The following PRKAG1 variants were observed in gnomAD, a reference collection of about 807,000 sequenced individuals.
PRKAG1 encodes the protein 5'-AMP-activated protein kinase subunit gamma-1.
A neutral mutation model predicts 48.2 loss-of-function variants in PRKAG1; 27 were observed. That is an observed-to-expected ratio of 0.56 (90% CI 0.41 to 0.77). The LOEUF (loss-of-function observed/expected upper bound fraction) is 0.77, where lower values mean the gene tolerates loss of function less well. Among genes scored for constraint, PRKAG1 ranks in the 30% least tolerant of loss-of-function variants. The pLI, the probability that PRKAG1 is intolerant of heterozygous loss-of-function variation, is 0.00. For missense variants in PRKAG1, 287 were observed against 398.3 expected, an observed-to-expected ratio of 0.72 and a Z score of 2.38; for synonymous variants, 130 against 147.7, an observed-to-expected ratio of 0.88 and a Z score of 0.87.
At chr12:49,015,309 A>G (rs1241537909) in intron 1 of PRKAG1, among the ~76,000 whole-genome samples, 1 of 152,256 alleles carries the variant, frequency 6.6e-6, no homozygotes, top group East Asian at 1.9e-4. Flanking sequence ...GTACTGTGCT[A>G]CAGTTATTTT....
At chr12:49,004,666 G>C (rs368751183) in intron 7 of PRKAG1, 33 bp from the exon 8 acceptor site, 1 of 1,613,676 alleles carries the variant, frequency 6.2e-7, no homozygotes, top group African/African-American at 1.3e-5. Flanking sequence ...AAGTTCCACA[G>C]TGCTGGGGCT....
chr12:49,005,403 T>C lies in PRKAG1; in HGVS notation c.251-39A>G, dbSNP rs760568849. On this transcript the variant is annotated intron_variant, in intron 4 of 11. Transcript: ENST00000548065. This position sits in a 1 kb window ranked among gnomAD's most constrained non-coding sequence, Gnocchi z 4.1. ...CAGAGCCCTCAGCACTGCCTGAAGC[T>C]TGTCTCCCTGCCCAGCACAAGATGC... 1 of 1,614,118 alleles carries C rather than the reference T, an allele frequency of 6.2e-7. No homozygotes were observed.
Position 49,007,124 on chromosome 12 carries a change from A to C in PRKAG1, c.59-1272T>G, listed in dbSNP as rs533942356. On this transcript the variant is annotated intron_variant, in intron 2 of 11. Transcript: ENST00000548065. Reference sequence around the variant, plus strand: ...ACATGGCGAAACCCCGTCTCTACTAAAAAAATATAAAAATTAGCCAGGCGT... The same window carrying C: ...ACATGGCGAAACCCCGTCTCTACTACAAAAATATAAAAATTAGCCAGGCGT... Among the ~76,000 whole-genome samples, 4 of 151,386 alleles carry C rather than the reference A, an allele frequency of 2.6e-5. No individual in the cohort carries two copies. The South Asian group carries it at 8.4e-4, about 32-fold the overall frequency.
chr12:49,004,017 C>T (rs1592270797), intron 8 of PRKAG1, 95 bp from the exon 9 acceptor site: 9 of 1,475,978 alleles, frequency 6.1e-6, no homozygotes, highest in East Asian at 4.7e-5. Context: ...GGGCTGGGTG[C>T]GCCGGCTTAT....
intron 8 of PRKAG1, 47 bp downstream of exon 8, chr12:49,004,460 C>T (rs771907721): frequency 6.3e-7 from 1 of 1,595,260 alleles, no homozygotes; most frequent in South Asian, 1.1e-5. Flanking sequence ...ATCAATCAAT[C>T]AATCAATGAA....
rs148334196 is a variant in PRKAG1, at chr12:49,008,888, T to A, written c.59-3036A>T. 7.9e-5 allele frequency among the ~76,000 whole-genome samples: 12 copies of A among 152,302 alleles called. No individual in the cohort carries two copies. The East Asian group carries it at 1.7e-3, about 22-fold the overall frequency. ...GTGTTCTGAAATCTCAGGATGACTG[T>A]GCTTTGGGTGGGTCACTTTCATCCA... On this transcript the variant is annotated intron_variant, in intron 2 of 11. Transcript: ENST00000548065.
Position 49,003,779 on chromosome 12 carries a change from G to A in PRKAG1, c.681C>T (p.Ala227=), listed in dbSNP as rs191723435. ...LGIFVQHRVS[A]LPVVDEKGRV... Reference sequence around the variant, plus strand: ...CACCCTTCTCATCCACCACTGGCAGGGCTGAGACTCGATGCTGTACAAAAA... The same window carrying A: ...CACCCTTCTCATCCACCACTGGCAGAGCTGAGACTCGATGCTGTACAAAAA... The change falls in exon 9 of 12, where the codon GCC becomes GCT. Residue 227 remains alanine (A), a synonymous_variant. Transcript: ENST00000548065. 11 of 1,613,342 alleles carry A rather than the reference G, an allele frequency of 6.8e-6. No individual in the cohort carries two copies. The African/African-American group carries it at 9.3e-5, about 14-fold the overall frequency.
chr12:49,015,840 T>G (rs1941947393), intron 1 of PRKAG1, among the ~76,000 whole-genome samples: 1 of 152,078 alleles, frequency 6.6e-6, no homozygotes, highest in Admixed American at 6.5e-5. Flanking sequence ...CCTCCCAAAG[T>G]GCTGGGATTA....
intron 10 of PRKAG1, 39 bp downstream of exon 10, chr12:49,003,512 CCCCCCCA>C (rs1565731212): frequency 6.3e-7 from 1 of 1,587,664 alleles, no homozygotes; most frequent in East Asian, 2.2e-5. Flanking sequence ...AACAGTGCCC[CCCCCCCA>C]CCACTTCCCT....
At chr12:49,014,162 G>A (rs558812307) in intron 1 of PRKAG1, among the ~76,000 whole-genome samples, 4 of 152,288 alleles carry the variant, frequency 2.6e-5, no homozygotes, top group African/African-American at 9.6e-5. Flanking sequence ...GGGATTACAG[G>A]CATGAGCCAC....
At chr12:49,010,085 ATTTTT>A (rs1941696680) in intron 2 of PRKAG1, among the ~76,000 whole-genome samples, 1 of 150,564 alleles carries the variant, frequency 6.6e-6, no homozygotes, top group Non-Finnish European at 1.5e-5. Flanking sequence ...TTGCTTTTTC[ATTTTT>A]ATTTATTTTT....
intron 2 of PRKAG1, 107 bp downstream of exon 2, chr12:49,012,955 G>T: frequency 8.7e-7 from 1 of 1,151,540 alleles, no homozygotes; most frequent in Non-Finnish European, 1.3e-6. Context: ...ACATTATCTG[G>T]CCCTGCTTTG....
In PRKAG1 at chr12:49,004,989, G is replaced by T; in HGVS notation, c.385C>A (p.Leu129Ile). ...CTGGCATTAGGAGAAATGCAGACAAGCGGTTTAAAGGAGTCCTGGAGATAC... is the reference window on the plus strand; with the variant it reads ...CTGGCATTAGGAGAAATGCAGACAATCGGTTTAAAGGAGTCCTGGAGATAC... ...EVYLQDSFKPLVCISPNASLF... is the reference protein window; with the variant it reads ...EVYLQDSFKPIVCISPNASLF... The change falls in exon 7 of 12, where the codon CTT (leucine) becomes ATT (isoleucine). Residue 129 changes from leucine to isoleucine, a missense_variant. Coordinates refer to ENST00000548065, the MANE Select transcript of PRKAG1 (RefSeq NM_002733.5). 6.2e-7 allele frequency: 1 copy of T among 1,614,130 alleles called. No homozygotes were observed. The highest frequency in any genetic ancestry group is 8.5e-7 in the Non-Finnish European group (1 of 1,180,000).
At chr12:49,018,636 C>G in intron 1 of PRKAG1, 96 bp downstream of exon 1, 1 of 1,598,114 alleles carries the variant, frequency 6.3e-7, no homozygotes, top group Non-Finnish European at 8.5e-7. Context: ...TGCTAGACAC[C>G]AGCGCCAGCC....
At chr12:49,004,028 G>T in intron 8 of PRKAG1, 106 bp from the exon 9 acceptor site, 1 of 1,443,856 alleles carries the variant, frequency 6.9e-7, no homozygotes, top group African/African-American at 1.4e-5. Context: ...GCCGGCTTAT[G>T]CCTATAATCC....
intron 2 of PRKAG1, among the ~76,000 whole-genome samples, chr12:49,010,614 TG>T (rs1592280258): frequency 6.6e-6 from 1 of 152,196 alleles, no homozygotes; most frequent in African/African-American, 2.4e-5. Flanking sequence ...TCTTGGGATC[TG>T]ACTGTTTCTT....
intron 1 of PRKAG1, 131 bp from the exon 2 acceptor site, chr12:49,013,241 C>A (rs887015574): frequency 4.2e-5 from 33 of 778,846 alleles, no homozygotes; most frequent in Admixed American, 1.1e-4. Flanking sequence ...CCCCGCCAAA[C>A]CCTTTTTTTT....
At chr12:49,008,036 TTTAGTAGAGACAGGGTTTCACCACATTG>T (rs1392853852) in intron 2 of PRKAG1, among the ~76,000 whole-genome samples, 1 of 151,998 alleles carries the variant, frequency 6.6e-6, no homozygotes, top group Non-Finnish European at 1.5e-5. Context: ...AATTTTGTAT[TTTAGTAGAGACAGGGTTTCACCACATTG>T]GCCAGGCTGA....
Position 49,005,508 on chromosome 12 carries a change from A to C in PRKAG1, c.204T>G (p.Gly68=). 6.2e-7 allele frequency: 1 copy of C among 1,614,202 alleles called. No individual in the cohort carries two copies. The highest frequency in any genetic ancestry group is 1.3e-5 in the African/African-American group (1 of 75,032). The part of the protein sequence containing the change: ...KKAFFALVTN[G]VRAAPLWDSK... ...TATCCCATAAAGGGGCAGCTCGTAC[A>C]CCGTTAGTCACCAAAGCAAAAAAAG... Residue 68 remains glycine (G), a synonymous_variant, in exon 4 of 12, where the codon GGT becomes GGG. Coordinates refer to ENST00000548065, the MANE Select transcript of PRKAG1 (RefSeq NM_002733.5). The surrounding 1 kb of genome is among the most constrained non-coding windows in gnomAD (Gnocchi z 4.1).
Sources: gnomAD v4.1 joint callset for allele counts (sites outside exome capture counted in the v4.1 genomes callset) on GRCh38, gnomAD v4.1.1 for gene constraint, Gnocchi (gnomAD v3.1) non-coding constraint, MANE v1.5 for transcripts, NCBI Gene and HGNC (gene_info 2026-07-23, HGNC 2026-07-21) for gene names.